Variants in PADI4 observed in about 807,000 individuals in gnomAD.
PADI4 encodes protein-arginine deiminase type-4.
In PADI4, 62 loss-of-function variants were observed where a neutral mutation model predicts 75.0. That is an observed-to-expected ratio of 0.83 (90% confidence interval 0.67 to 1.02). The LOEUF is 1.02. Among genes scored for constraint, PADI4 ranks in the 50% least tolerant of loss-of-function variants. The probability of loss-of-function intolerance (pLI) is 0.00; values close to 1 mark genes in which losing one functional copy is unlikely to be tolerated. For missense variants in PADI4, 845 were observed against 850.5 expected (o/e 0.99, Z 0.08); for synonymous variants, 361 against 348.1 (o/e 1.04, Z -0.41).
chr1:17,358,076 C>A (rs1046205834), intron 13 of PADI4, among the ~76,000 whole-genome samples: 1 of 151,542 alleles, frequency 6.6e-6, no homozygotes, highest in Admixed American at 6.6e-5. Flanking sequence ...GATGAAACCC[C>A]GACTTTACTA....
chr1:17,356,602 A>G lies in PADI4; in HGVS notation c.1558+143A>G, dbSNP rs2074764889. ...AGGCACTGTGCCAAGTGCTAGGGAG[A>G]CTGCATGAACAGGGCAGAACAGCTT... On this transcript the variant is annotated intron_variant, in intron 13 of 15. Transcript: ENST00000375448. This position sits in a 1 kb window ranked among gnomAD's most constrained non-coding sequence, Gnocchi z 4.1. 6.6e-6 allele frequency: 4 copies of G among 603,906 alleles called. No homozygotes were observed. In the East Asian group the frequency reaches 1.1e-4, roughly 17 times the overall value. 37.4% of individuals were successfully genotyped at this position (603,906 alleles called of 1,614,324 possible).
intron 4 of PADI4, among the ~76,000 whole-genome samples, chr1:17,337,390 C>T (rs1345565035): frequency 6.6e-6 from 1 of 152,146 alleles, no homozygotes; most frequent in Non-Finnish European, 1.5e-5. Flanking sequence ...AGGTGATCTG[C>T]CTGCCTCAGC....
chr1:17,361,630 G>A (rs943314572), intron 15 of PADI4, among the ~76,000 whole-genome samples: 7 of 152,230 alleles, frequency 4.6e-5, no homozygotes, highest in Admixed American at 6.5e-5. Context: ...TCATTGCAAC[G>A]GAGATATGTG....
At chr1:17,351,861 G>A (rs577042804) in intron 10 of PADI4, among the ~76,000 whole-genome samples, 41 of 152,190 alleles carry the variant, frequency 2.7e-4, no homozygotes, top group African/African-American at 9.6e-4. Flanking sequence ...AGGAGGAGAG[G>A]CAGTCAGAGA....
chr1:17,338,295 C>T (rs2074353727), intron 5 of PADI4, 140 bp downstream of exon 5: 1 of 626,756 alleles, frequency 1.6e-6, no homozygotes, highest in Non-Finnish European at 2.9e-6. Context: ...ATAGGTGAAG[C>T]AATGGGCAAA....
chr1:17,333,931 G>T lies in PADI4; in HGVS notation c.274-12G>T, dbSNP rs761798598. On this transcript the variant is annotated splice_polypyrimidine_tract_variant and intron_variant, in intron 2 of 15. Coordinates refer to ENST00000375448, the MANE Select transcript of PADI4 (RefSeq NM_012387.3). The stretch of plus-strand genomic sequence containing the variant: ...GACTAAGAGAAGTCATTAGTGATCT[G>T]CTCTCCCATAGGTTCAGATTTCATA... 1.6e-5 allele frequency: 25 copies of T among 1,601,278 alleles called. No homozygotes were observed. The highest frequency in any genetic ancestry group is 2.1e-5 in the Non-Finnish European group (25 of 1,168,390).
chr1:17,356,226 C>G lies in PADI4; in HGVS notation c.1455+99C>G, dbSNP rs1268351164. The G allele has an allele frequency of 7.1e-7, 1 of 1,408,652 alleles. No homozygotes were observed. Among genetic ancestry groups the G allele is most frequent in the Non-Finnish European group, 9.8e-7 (1 of 1,021,264 alleles). 87.3% of individuals were successfully genotyped at this position (1,408,652 alleles called of 1,614,324 possible). A position where few individuals can be genotyped will look rare whatever the true frequency, so the allele number is the denominator to read the frequency against. ...CTTTACTTGTCTATTTCTCCTTCAC[C>G]CTTAGGATGGCAGTAGAGGAGGTGG... is the stretch of plus-strand genomic sequence containing the variant. On this transcript the variant is annotated intron_variant, in intron 12 of 15. Coordinates refer to ENST00000375448, the MANE Select transcript of PADI4 (RefSeq NM_012387.3). This position sits in a 1 kb window ranked among gnomAD's most constrained non-coding sequence, Gnocchi z 4.1.
intron 1 of PADI4, among the ~76,000 whole-genome samples, chr1:17,321,242 A>G (rs781078803): frequency 1.4e-4 from 22 of 152,110 alleles, no homozygotes; most frequent in Non-Finnish European, 2.5e-4. Context: ...GTGAGAAGCA[A>G]AGCCCGGGAG....
intron 1 of PADI4, among the ~76,000 whole-genome samples, chr1:17,311,626 G>T (rs907184080): frequency 6.6e-6 from 1 of 151,700 alleles, no homozygotes; most frequent in South Asian, 2.1e-4. Context: ...CCGGGTTCAC[G>T]CAATTCTCCT....
rs1387328000 is a variant in PADI4, at chr1:17,308,320, A to AG, written c.92+12dup. 1 of 1,611,324 alleles carries AG rather than the reference A, an allele frequency of 6.2e-7. No individual in the cohort carries two copies. The highest frequency in any genetic ancestry group is 8.5e-7 in the Non-Finnish European group (1 of 1,177,678). ...ACTCAGCTTGACATCTGCAGGTAAG[A>AG]GGGGGGCCTTCTGGGGTTTTGGAGG... On this transcript the variant is annotated splice_region_variant and intron_variant, in intron 1 of 15. Coordinates refer to ENST00000375448, the MANE Select transcript of PADI4 (RefSeq NM_012387.3).
chr1:17,326,889 T>A (rs1180091023), intron 1 of PADI4, among the ~76,000 whole-genome samples: 1 of 149,758 alleles, frequency 6.7e-6, no homozygotes, highest in Admixed American at 6.8e-5. Flanking sequence ...TTTCTATTAA[T>A]GTTTGCCTTA....
Position 17,337,563 on chromosome 1 carries a change from A to G in PADI4, c.409-475A>G, listed in dbSNP as rs563760465. ...CTTTTGGAGTAAAAGGCAAAAATCCACTCCTGAGATCAAATAATTAATTGA... is the reference window on the plus strand; with the variant it reads ...CTTTTGGAGTAAAAGGCAAAAATCCGCTCCTGAGATCAAATAATTAATTGA... On this transcript the variant is annotated intron_variant, in intron 4 of 15. Coordinates refer to ENST00000375448, the MANE Select transcript of PADI4 (RefSeq NM_012387.3). Among the ~76,000 whole-genome samples, 845 of 152,122 alleles carry G rather than the reference A, an allele frequency of 5.6e-3. 9 individuals carry two copies. The highest frequency in any genetic ancestry group is 8.0e-3 in the Non-Finnish European group (545 of 68,010).
chr1:17,351,101 G>A (rs1183666359), intron 10 of PADI4, among the ~76,000 whole-genome samples: 1 of 130,664 alleles, frequency 7.7e-6, no homozygotes, highest in African/African-American at 2.5e-5. Context: ...GAGAGGCTGA[G>A]GTGGGAGGAT....
intron 1 of PADI4, among the ~76,000 whole-genome samples, chr1:17,309,692 C>T (rs757251495): frequency 5.3e-5 from 8 of 152,242 alleles, no homozygotes; most frequent in Non-Finnish European, 8.8e-5. Flanking sequence ...CATTTCTTTG[C>T]TACTGCCTGA....
At chr1:17,332,183 A>G (rs1241690684) in intron 2 of PADI4, among the ~76,000 whole-genome samples, 1 of 152,130 alleles carries the variant, frequency 6.6e-6, no homozygotes, top group Non-Finnish European at 1.5e-5. Context: ...CTCTCTCATA[A>G]GGGTACTTGC....
intron 2 of PADI4, among the ~76,000 whole-genome samples, 197 bp from the exon 3 acceptor site, chr1:17,333,746 C>A (rs1293196973): frequency 6.6e-6 from 1 of 151,996 alleles, no homozygotes; most frequent in Non-Finnish European, 1.5e-5. Flanking sequence ...ATAGGATGCT[C>A]TTCTGTAGCA....
intron 1 of PADI4, among the ~76,000 whole-genome samples, chr1:17,310,565 C>T (rs528533897): frequency 6.6e-6 from 1 of 152,200 alleles, no homozygotes; most frequent in African/African-American, 2.4e-5. Context: ...GCAGAGGTTG[C>T]AGTGAGCCAA....
intron 1 of PADI4, among the ~76,000 whole-genome samples, chr1:17,329,400 G>C (rs761448147): frequency 1.2e-4 from 18 of 151,954 alleles, no homozygotes; most frequent in Non-Finnish European, 2.4e-4. Context: ...TACTGTTGAT[G>C]GGAGGCTTAC....
intron 15 of PADI4, 66 bp downstream of exon 15, chr1:17,359,474 TG>T: frequency 6.2e-7 from 1 of 1,606,220 alleles, no homozygotes; most frequent in Non-Finnish European, 8.5e-7. Flanking sequence ...GAGAGGCCAG[TG>T]GGGCACCCGG....
Sources: allele counts gnomAD v4.1 joint callset (sites outside exome capture counted in the v4.1 genomes callset), GRCh38; gene constraint gnomAD v4.1.1; non-coding constraint Gnocchi (gnomAD v3.1); transcripts MANE v1.5; gene names NCBI Gene and HGNC (gene_info 2026-07-23, HGNC 2026-07-21).